Variants in KIAA0319L observed in about 807,000 individuals in gnomAD.
KIAA0319L encodes the protein dyslexia-associated protein KIAA0319-like protein.
Under a neutral mutation model 120.1 loss-of-function variants are expected in KIAA0319L, and 55 were observed. The ratio of observed to expected loss-of-function variants is 0.46; its 90% CI spans 0.37 to 0.57. KIAA0319L has a LOEUF of 0.57. Among genes scored for constraint, KIAA0319L ranks in the 20% least tolerant of loss-of-function variants. The pLI is 0.00. For synonymous variants in KIAA0319L, 398 were observed against 471.9 expected, an observed-to-expected ratio of 0.84 and a Z score of 2.03; for missense variants, 1,049 against 1,255.3, an observed-to-expected ratio of 0.84 and a Z score of 2.48.
At chr1:35,489,576 A>C (rs1286837475) in intron 3 of KIAA0319L, among the ~76,000 whole-genome samples, 1 of 152,168 alleles carries the variant, frequency 6.6e-6, no homozygotes, top group East Asian at 1.9e-4. Context: ...GACCCCCTTA[A>C]GTACTCAAGG....
chr1:35,529,848 C>G (rs1240901636), intron 2 of KIAA0319L, among the ~76,000 whole-genome samples: 1 of 152,098 alleles, frequency 6.6e-6, no homozygotes. Context: ...GTCTAAATCT[C>G]TTCTTAAATT....
chr1:35,513,488 G>C lies in KIAA0319L; in HGVS notation c.143-6353C>G, dbSNP rs1027789882. 2.6e-5 allele frequency among the ~76,000 whole-genome samples: 4 copies of C among 151,634 alleles called. No individual in the cohort carries two copies. In the South Asian group the frequency reaches 6.3e-4, roughly 24 times the overall value. Reference sequence around the variant, plus strand: ...AAAAATCAGCCAGGTGTGGTGGTGTGCACTTGTAGTCCCAGCTACTCAGGA... The same window carrying C: ...AAAAATCAGCCAGGTGTGGTGGTGTCCACTTGTAGTCCCAGCTACTCAGGA... On this transcript the variant is annotated intron_variant, in intron 2 of 20. Transcript: ENST00000325722.
Position 35,450,368 on chromosome 1 carries a change from G to A in KIAA0319L, c.2204C>T (p.Pro735Leu), listed in dbSNP as rs1357995015. The change falls in exon 14 of 21, where the codon CCA becomes CTA. Residue 735 changes from proline to leucine, a missense_variant. Transcript: ENST00000325722. Reference sequence around the variant, plus strand: ...TCCTAGCACACTTACCCCTGCTGCTGGGCTCCCCTCATCTCGAGTCCAGAG... The same window carrying A: ...TCCTAGCACACTTACCCCTGCTGCTAGGCTCCCCTCATCTCGAGTCCAGAG... Reference protein sequence around the residue: ...SYLWTRDEGSPAAGEVLNHSD... With the variant: ...SYLWTRDEGSLAAGEVLNHSD... 1.2e-6 allele frequency: 2 copies of A among 1,613,466 alleles called. No individual in the cohort carries two copies. The highest frequency in any genetic ancestry group is 1.7e-6 in the Non-Finnish European group (2 of 1,179,794).
intron 2 of KIAA0319L, among the ~76,000 whole-genome samples, chr1:35,538,819 GT>G (rs1037151362): frequency 1.1e-4 from 17 of 151,368 alleles, no homozygotes; most frequent in Admixed American, 9.9e-4. Context: ...TTTTACTTGT[GT>G]TTTTTTCTTA....
chr1:35,441,610 A>G (rs1641224989), intron 19 of KIAA0319L, among the ~76,000 whole-genome samples: 1 of 152,110 alleles, frequency 6.6e-6, no homozygotes, highest in South Asian at 2.1e-4. Context: ...ACCTTTCCTG[A>G]GCCTAAGTTT....
chr1:35,489,995 C>CT (rs1570796234), intron 3 of KIAA0319L, among the ~76,000 whole-genome samples: 2 of 152,222 alleles, frequency 1.3e-5, no homozygotes, highest in South Asian at 4.2e-4. Context: ...GGGTCTCACT[C>CT]TATCACCCAG....
intron 2 of KIAA0319L, among the ~76,000 whole-genome samples, chr1:35,533,985 T>A (rs978468567): frequency 3.3e-5 from 5 of 152,142 alleles, no homozygotes; most frequent in Non-Finnish European, 7.3e-5. Context: ...GGTAACTAAA[T>A]CCTTTGAAGG....
rs186251567 is a variant in KIAA0319L, at chr1:35,550,777, C to T, written c.142+3573G>A. On this transcript the variant is annotated intron_variant, in intron 2 of 20. Transcript: ENST00000325722. ...AAGAGACAGGGCCTCACTATGTTGC[C>T]GGCTGGTCTCAAACCCCTAGGCTCA... Among the ~76,000 whole-genome samples, 26 of 152,090 alleles carry T rather than the reference C, an allele frequency of 1.7e-4. 1 individual carries two copies. The highest frequency in any genetic ancestry group is 1.4e-3 in the Admixed American group (21 of 15,276).
At chr1:35,442,850 T>C (rs2275247) in intron 18 of KIAA0319L, 56 bp downstream of exon 18, 170,871 of 1,610,572 alleles carry the variant, frequency 0.11, 37,155 homozygotes, top group East Asian at 0.79. Flanking sequence ...ACCCACTCAG[T>C]GCAGAACCAC....
intron 3 of KIAA0319L, among the ~76,000 whole-genome samples, chr1:35,481,019 T>C (rs1043677447): frequency 9.2e-5 from 14 of 152,134 alleles, no homozygotes; most frequent in African/African-American, 3.4e-4. Flanking sequence ...TTAGTTTGGG[T>C]TTTCTTGTAT....
rs573577272 is a variant in KIAA0319L, at chr1:35,521,960, G to A, written c.143-14825C>T. Among the ~76,000 whole-genome samples, 31 of 151,952 alleles carry A rather than the reference G, an allele frequency of 2.0e-4. No homozygotes were observed. In the South Asian group the frequency reaches 4.6e-3, roughly 22 times the overall value. Reference sequence around the variant, plus strand: ...TGCACTCCAACCTGGGTGACAGAGCGAGACTCTGTCTTAAAAATAAAAAAT... The same window carrying A: ...TGCACTCCAACCTGGGTGACAGAGCAAGACTCTGTCTTAAAAATAAAAAAT... On this transcript the variant is annotated intron_variant, in intron 2 of 20. Coordinates refer to ENST00000325722, the MANE Select transcript of KIAA0319L (RefSeq NM_024874.5).
intron 3 of KIAA0319L, among the ~76,000 whole-genome samples, chr1:35,481,217 TC>T (rs896799876): frequency 1.8e-4 from 28 of 152,346 alleles, no homozygotes; most frequent in African/African-American, 6.5e-4. Context: ...TAAGTTGTTT[TC>T]CGTTCTTAGT....
chr1:35,521,342 AAAAT>A (rs1421638033), intron 2 of KIAA0319L, among the ~76,000 whole-genome samples: 1 of 152,134 alleles, frequency 6.6e-6, no homozygotes, highest in Non-Finnish European at 1.5e-5. Context: ...CAGTCTCAAA[AAAAT>A]AAATAAAGCC....
rs575988404 is a variant in KIAA0319L at position 35,542,385 on chromosome 1, G to A, written c.142+11965C>T. 1.8e-4 allele frequency among the ~76,000 whole-genome samples: 27 copies of A among 152,222 alleles called. 1 individual carries two copies. The highest frequency in any genetic ancestry group is 1.7e-3 in the Admixed American group (26 of 15,276). Reference sequence around the variant, plus strand: ...CCCAAGTCCATGCTCCACGCCCTTCGCCACTCTGTCTCCTATCTCTTGCTC... The same window carrying A: ...CCCAAGTCCATGCTCCACGCCCTTCACCACTCTGTCTCCTATCTCTTGCTC... On this transcript the variant is annotated intron_variant, in intron 2 of 20. Coordinates refer to ENST00000325722, the MANE Select transcript of KIAA0319L (RefSeq NM_024874.5).
At chr1:35,504,927 G>A (rs1645154398) in intron 3 of KIAA0319L, among the ~76,000 whole-genome samples, 1 of 152,088 alleles carries the variant, frequency 6.6e-6, no homozygotes, top group African/African-American at 2.4e-5. Context: ...AATTTCTTGA[G>A]CTCGCCATAT....
chr1:35,468,024 GCA>G (rs1340016818), intron 6 of KIAA0319L, among the ~76,000 whole-genome samples: 2 of 152,054 alleles, frequency 1.3e-5, no homozygotes, highest in East Asian at 3.9e-4. Context: ...CGACCACAAA[GCA>G]GTATATGAAC....
Position 35,448,176 on chromosome 1 carries a change from T to C in KIAA0319L, c.2510A>G (p.Gln837Arg). ...CCCCCATTCATTGCCCAGCTACCTCTGCTCCGTGTACGGCTGAATCTTTTG... is the reference window on the plus strand; with the variant it reads ...CCCCCATTCATTGCCCAGCTACCTCCGCTCCGTGTACGGCTGAATCTTTTG... ...IVQKIQPYTE[Q>R]STKMVFFVQN... The change falls in exon 16 of 21, where the codon CAG (glutamine) becomes CGG (arginine). Residue 837 changes from glutamine to arginine, a missense_variant. Transcript: ENST00000325722. 6.2e-7 allele frequency: 1 copy of C among 1,609,774 alleles called. No homozygotes were observed. The highest frequency in any genetic ancestry group is 8.5e-7 in the Non-Finnish European group (1 of 1,177,892).
chr1:35,481,369 A>G (rs1644156154), intron 3 of KIAA0319L, among the ~76,000 whole-genome samples: 1 of 152,228 alleles, frequency 6.6e-6, no homozygotes, highest in Admixed American at 6.5e-5. Flanking sequence ...ACTGTTACCC[A>G]AAGTGGCTGT....
In KIAA0319L at chr1:35,504,291, G is replaced by A. The variant is rs367602684; in HGVS notation, c.666+2321C>T. On this transcript the variant is annotated intron_variant, in intron 3 of 20. Transcript: ENST00000325722. ...CGCTCACTGCAAGCTCCACCTCCCA[G>A]GTTCACGACATTCTCCTCCCTCAGC... is the stretch of plus-strand genomic sequence containing the variant. Among the ~76,000 whole-genome samples, 79 of 152,050 alleles carry A rather than the reference G, an allele frequency of 5.2e-4. 1 individual carries two copies. Among genetic ancestry groups the A allele is most frequent in the African/African-American group, 1.9e-3 (77 of 41,460 alleles).
Sources: gnomAD v4.1 joint callset for allele counts (sites outside exome capture counted in the v4.1 genomes callset) on GRCh38, gnomAD v4.1.1 for gene constraint, MANE v1.5 for transcripts, NCBI Gene and HGNC (gene_info 2026-07-23, HGNC 2026-07-21) for gene names.